The following ASTN2 variants were observed in gnomAD, a reference collection of about 807,000 sequenced individuals.
The protein encoded by ASTN2 is astrotactin-2.
ASTN2 carries 54 observed loss-of-function variants against 139.8 expected under a neutral mutation model. The ratio of observed to expected loss-of-function variants is 0.39; its 90% CI spans 0.31 to 0.48. The LOEUF (loss-of-function observed/expected upper bound fraction) is 0.48. ASTN2 is among the 20% of genes least tolerant of loss of function. ASTN2 has a pLI of 0.95. For synonymous variants in ASTN2, 756 were observed against 719.5 expected (o/e 1.05, Z -0.81); for missense variants, 1,565 against 1,725.1 (o/e 0.91, Z 1.64).
At position 117,077,831 on chromosome 9, in the gene ASTN2, G is replaced by GA. The variant is rs1392085963; in HGVS notation, c.1276+18212dup. 4.6e-5 allele frequency among the ~76,000 whole-genome samples: 7 copies of GA among 151,706 alleles called. No individual in the cohort carries two copies. The South Asian group carries it at 1.0e-3, about 23-fold the overall frequency. ...CTTGAGGCTGCTAAGGACCTTAAAG[G>GA]AAAAAAAACCCTGGCCCTTCATCCA... On this transcript the variant is annotated intron_variant, in intron 5 of 22. Coordinates refer to ENST00000313400, the MANE Select transcript of ASTN2 (RefSeq NM_001365068.1).
intron 6 of ASTN2, among the ~76,000 whole-genome samples, chr9:117,010,252 T>C (rs1312221705): frequency 2.0e-5 from 3 of 152,100 alleles, no homozygotes; most frequent in African/African-American, 7.2e-5. Flanking sequence ...CAAAGCCATA[T>C]TTCCCCCCTG....
chr9:116,933,981 T>TG (rs1834991473), intron 10 of ASTN2, among the ~76,000 whole-genome samples: 1 of 28,832 alleles, frequency 3.5e-5, no homozygotes, highest in Admixed American at 3.4e-4. Flanking sequence ...TGTTAGTCCT[T>TG]TTTTTTTTTT....
intron 10 of ASTN2, among the ~76,000 whole-genome samples, chr9:116,936,078 T>TGCCATCATCATCACCAC (rs1835057751): frequency 1.8e-3 from 1 of 550 alleles, no homozygotes; most frequent in African/African-American, 0.01. Flanking sequence ...ATCACCACCA[T>TGCCATCATCATCACCAC]CACCACTACC....
intron 13 of ASTN2, among the ~76,000 whole-genome samples, chr9:116,759,023 C>T (rs949740282): frequency 8.5e-5 from 13 of 152,104 alleles, no homozygotes; most frequent in Admixed American, 2.0e-4. Flanking sequence ...ACTACAGAAG[C>T]GTACCGCCAT....
intron 4 of ASTN2, among the ~76,000 whole-genome samples, chr9:117,102,238 A>G (rs1828996377): frequency 6.6e-6 from 1 of 152,232 alleles, no homozygotes; most frequent in Non-Finnish European, 1.5e-5. Context: ...ATGTGGATGA[A>G]TGTTGCAAAT....
At chr9:116,803,863 G>A (rs1830963190) in intron 13 of ASTN2, among the ~76,000 whole-genome samples, 1 of 151,132 alleles carries the variant, frequency 6.6e-6, no homozygotes, top group Admixed American at 6.6e-5. Context: ...ATGGAGTCTT[G>A]CAAAGTTACC....
At chr9:117,394,547 A>T (rs1199181542) in intron 1 of ASTN2, among the ~76,000 whole-genome samples, 1 of 152,184 alleles carries the variant, frequency 6.6e-6, no homozygotes, top group Non-Finnish European at 1.5e-5. Flanking sequence ...AAGATAAATA[A>T]GGCAAAGAGG....
At chr9:116,565,762 C>T (rs1300451411) in intron 19 of ASTN2, among the ~76,000 whole-genome samples, 1 of 152,060 alleles carries the variant, frequency 6.6e-6, no homozygotes, top group Admixed American at 6.6e-5. Flanking sequence ...GGATTACAGG[C>T]ATGAGCCACC....
chr9:116,512,185 G>A (rs920898185), intron 19 of ASTN2, among the ~76,000 whole-genome samples: 1 of 152,178 alleles, frequency 6.6e-6, no homozygotes, highest in Non-Finnish European at 1.5e-5. Context: ...GTGTCCCAGA[G>A]ATTCTGGTAT....
intron 16 of ASTN2, among the ~76,000 whole-genome samples, chr9:116,655,873 T>TTTGTTG (rs1554726447): frequency 9.2e-4 from 140 of 151,480 alleles, no homozygotes; most frequent in Non-Finnish European, 1.6e-3. Flanking sequence ...TCTTGTGTTT[T>TTTGTTG]TTGTTGTTGT....
chr9:117,089,740 C>T (rs568345903), intron 5 of ASTN2, among the ~76,000 whole-genome samples: 1 of 151,590 alleles, frequency 6.6e-6, no homozygotes, highest in East Asian at 1.9e-4. Context: ...TTTGCGTCAC[C>T]ATAGTTTAGC....
intron 2 of ASTN2, among the ~76,000 whole-genome samples, chr9:117,225,037 A>G (rs1282318540): frequency 6.6e-6 from 1 of 152,026 alleles, no homozygotes; most frequent in Non-Finnish European, 1.5e-5. Flanking sequence ...TTATGTATTT[A>G]TTGTATTTCT....
chr9:116,438,717 G>C (rs1255408006), intron 22 of ASTN2, among the ~76,000 whole-genome samples: 1 of 152,160 alleles, frequency 6.6e-6, no homozygotes, highest in Non-Finnish European at 1.5e-5. Flanking sequence ...GGCTGAGATG[G>C]GCGGATTACT....
chr9:116,856,983 C>T (rs183939304), intron 11 of ASTN2, among the ~76,000 whole-genome samples: 3 of 152,274 alleles, frequency 2.0e-5, no homozygotes, highest in East Asian at 1.9e-4. Flanking sequence ...CTTGACTATT[C>T]GATGTTGCCC....
At chr9:117,127,670 T>C (rs13293693) in intron 4 of ASTN2, among the ~76,000 whole-genome samples, 1 of 131,658 alleles carries the variant, frequency 7.6e-6, no homozygotes, top group African/African-American at 2.8e-5. Context: ...TTTTTTGTTT[T>C]GGTTTTTTTT....
chr9:117,321,129 CT>C (rs1828311699), intron 1 of ASTN2, among the ~76,000 whole-genome samples: 2 of 152,208 alleles, frequency 1.3e-5, no homozygotes, highest in African/African-American at 4.8e-5. Context: ...AGAAACACGC[CT>C]GCCTAAATTC....
chr9:116,537,014 C>G (rs1272017987), intron 19 of ASTN2, among the ~76,000 whole-genome samples: 2 of 152,228 alleles, frequency 1.3e-5, no homozygotes, highest in Non-Finnish European at 2.9e-5. Flanking sequence ...CCCTTTTGAG[C>G]TTCCTGGCCA....
chr9:116,425,803 C>T lies in ASTN2; in HGVS notation c.*48G>A, dbSNP rs772084177. On this transcript the variant is annotated 3_prime_UTR_variant, in exon 23 of 23. Transcript: ENST00000313400. ...CCCCAGGATCCAGGAGAATACTGCT[C>T]CCCCTCCCATGGAGAGTCTCTGTGC... The T allele has an allele frequency of 6.2e-7, 1 of 1,610,396 alleles. No homozygotes were observed. Among genetic ancestry groups the T allele is most frequent in the Non-Finnish European group, 8.5e-7 (1 of 1,177,618 alleles).
At chr9:116,664,685 AT>A (rs1858760452) in intron 16 of ASTN2, among the ~76,000 whole-genome samples, 2 of 151,910 alleles carry the variant, frequency 1.3e-5, no homozygotes, top group Admixed American at 1.3e-4. Flanking sequence ...CACTGAAAAA[AT>A]ATCTCTAACT....
Sources: allele counts gnomAD v4.1 joint callset (sites outside exome capture counted in the v4.1 genomes callset), GRCh38; gene constraint gnomAD v4.1.1; transcripts MANE v1.5; gene names NCBI Gene and HGNC (gene_info 2026-07-23, HGNC 2026-07-21).